Variants in RHCE observed in about 807,000 individuals in gnomAD.
RHCE encodes the protein Rh blood group CcEe antigens, also known as blood group Rh(CE) polypeptide.
Under a neutral mutation model 43.8 loss-of-function variants are expected in RHCE, and 22 were observed. The observed-to-expected ratio is 0.50, with a 90% CI of 0.36 to 0.72. The LOEUF is 0.72. Among genes scored for constraint, RHCE ranks in the 30% least tolerant of loss-of-function variants. RHCE has a pLI of 0.00. For synonymous variants in RHCE, 156 were observed against 210.7 expected (o/e 0.74, Z 2.25); for missense variants, 385 against 525.4 (o/e 0.73, Z 2.61).
chr1:25,390,092 C>T (rs1022463344), intron 5 of RHCE, among the ~76,000 whole-genome samples: 7 of 152,108 alleles, frequency 4.6e-5, no homozygotes, highest in African/African-American at 7.2e-5. Flanking sequence ...TTCCCTCCGA[C>T]ACCACCAGCT....
upstream of RHCE, chr1:25,421,040 C>T (rs1479594727): frequency 3.9e-6 from 2 of 508,492 alleles, no homozygotes; most frequent in Non-Finnish European, 7.2e-6. Flanking sequence ...GTTACAGGTT[C>T]CTGCTGTGCT....
intron 9 of RHCE, among the ~76,000 whole-genome samples, chr1:25,368,657 C>T (rs1339118599): frequency 4.0e-5 from 6 of 150,426 alleles, no homozygotes; most frequent in Non-Finnish European, 5.9e-5. Flanking sequence ...ATTTTGAGCA[C>T]TAGTCGTCTC....
chr1:25,417,353 C>G (rs1647626097), intron 1 of RHCE, among the ~76,000 whole-genome samples: 2 of 152,108 alleles, frequency 1.3e-5, no homozygotes, highest in Admixed American at 6.6e-5. Context: ...AAGTTTAACT[C>G]AACAAACTTT....
At chr1:25,385,582 C>A (rs1218180301) in intron 7 of RHCE, 129 bp downstream of exon 7, 4 of 1,374,528 alleles carry the variant, frequency 2.9e-6, no homozygotes, top group African/African-American at 2.8e-5. Flanking sequence ...AATCAGCCAA[C>A]AAATATTCAC....
chr1:25,411,455 T>C (rs1156688688), intron 1 of RHCE: 2 of 1,549,420 alleles, frequency 1.3e-6, no homozygotes, highest in East Asian at 2.4e-5. Context: ...TTCACTTCCA[T>C]TGAAACGTAC....
chr1:25,410,425 G>T (rs1157634717), intron 1 of RHCE, among the ~76,000 whole-genome samples: 1 of 151,842 alleles, frequency 6.6e-6, no homozygotes, highest in Non-Finnish European at 1.5e-5. Context: ...TCTGCAACCA[G>T]CATGTAGACA....
chr1:25,404,184 A>G, intron 2 of RHCE, among the ~76,000 whole-genome samples: 1 of 151,752 alleles, frequency 6.6e-6, no homozygotes, highest in East Asian at 1.9e-4. Flanking sequence ...AAAAAAAAAA[A>G]AAAAAATTCA....
At chr1:25,391,245 C>T (rs909426520) in intron 4 of RHCE, among the ~76,000 whole-genome samples, 16 of 152,046 alleles carry the variant, frequency 1.1e-4, no homozygotes, top group African/African-American at 2.2e-4. Flanking sequence ...AGTGCAGTGG[C>T]GCGATCTTGG....
chr1:25,373,824 T>A (rs1421839106), intron 8 of RHCE, among the ~76,000 whole-genome samples: 1 of 150,088 alleles, frequency 6.7e-6, no homozygotes, highest in African/African-American at 2.5e-5. Flanking sequence ...GGATGGAATG[T>A]ATATTTTCTT....
upstream of RHCE, among the ~76,000 whole-genome samples, chr1:25,422,611 C>T (rs1389401254): frequency 3.3e-5 from 5 of 152,166 alleles, no homozygotes; most frequent in Admixed American, 3.3e-4. Context: ...AACTAAGTGA[C>T]TTGCTCAAGG....
intron 7 of RHCE, among the ~76,000 whole-genome samples, chr1:25,384,884 T>C (rs1010551138): frequency 1.3e-5 from 2 of 152,200 alleles, no homozygotes; most frequent in Admixed American, 1.3e-4. Context: ...ATAATGCATA[T>C]AATGGTTTCT....
intron 2 of RHCE, among the ~76,000 whole-genome samples, chr1:25,407,751 C>G (rs1410721529): frequency 8.1e-6 from 1 of 123,622 alleles, no homozygotes; most frequent in Admixed American, 8.7e-5. Context: ...AATCATCACC[C>G]AGGTGAACAC....
chr1:25,428,875 T>A (rs1033515337), intron 2 of RHCE: 1 of 152,310 alleles, frequency 6.6e-6, no homozygotes, highest in East Asian at 1.9e-4. Context: ...ACAGAGATAC[T>A]GTGTTGGGGC....
In RHCE at chr1:25,406,247, G is replaced by GTGCA. The variant is rs1303884738; in HGVS notation, c.335+2435_335+2436insTGCA. Among the ~76,000 whole-genome samples, 2 of 87,710 alleles carry GTGCA rather than the reference G, an allele frequency of 2.3e-5. 1 individual carries two copies. The highest frequency in any genetic ancestry group is 4.2e-5 in the Non-Finnish European group (2 of 47,808). 57.5% of individuals were successfully genotyped at this position (87,710 alleles called of 152,430 possible). A position where few individuals can be genotyped will look rare whatever the true frequency, so the allele number is the denominator to read the frequency against. ...TGTGTATGCGGGCGTGCGTGCGTGC[G>GTGCA]TGCGTGTGTGTGTGTGTGTGTGTGT... On this transcript the variant is annotated intron_variant, in intron 2 of 9. Coordinates refer to ENST00000294413, the MANE Select transcript of RHCE (RefSeq NM_020485.8).
At chr1:25,391,499 T>A (rs1557618447) in intron 4 of RHCE, among the ~76,000 whole-genome samples, 2 of 151,832 alleles carry the variant, frequency 1.3e-5, no homozygotes, top group African/African-American at 2.4e-5. Flanking sequence ...AACGCTTATT[T>A]TTTTTTTTTT....
chr1:25,409,315 C>A lies in RHCE; in HGVS notation c.149-446G>T, dbSNP rs957388772. Among the ~76,000 whole-genome samples, 26 of 124,102 alleles carry A rather than the reference C, an allele frequency of 2.1e-4. 1 individual carries two copies. The highest frequency in any genetic ancestry group is 6.0e-4 in the African/African-American group (24 of 39,724). The allele number at this position is 124,102 out of a possible 152,430, so 81.4% of individuals were successfully genotyped here. A position where few individuals can be genotyped will look rare whatever the true frequency, so the allele number is the denominator to read the frequency against. ...AGCCACAGAAGCCAAGTGACTTGTCCCAGGACACACAGAAAAGAGAGGGCA... is the reference window on the plus strand; with the variant it reads ...AGCCACAGAAGCCAAGTGACTTGTCACAGGACACACAGAAAAGAGAGGGCA... On this transcript the variant is annotated intron_variant, in intron 1 of 9. Transcript: ENST00000294413.
chr1:25,362,368 A>T lies in RHCE; in HGVS notation c.*159T>A. The T allele has an allele frequency of 6.6e-7, 1 of 1,519,988 alleles. No individual in the cohort carries two copies. Among genetic ancestry groups the T allele is most frequent in the Non-Finnish European group, 9.0e-7 (1 of 1,117,236 alleles). 94.2% of individuals were successfully genotyped at this position (1,519,988 alleles called of 1,614,324 possible). A position where few individuals can be genotyped will look rare whatever the true frequency, so the allele number is the denominator to read the frequency against. On this transcript the variant is annotated 3_prime_UTR_variant, in exon 10 of 10. Coordinates refer to ENST00000294413, the MANE Select transcript of RHCE (RefSeq NM_020485.8). ...AAATTGACTCTTAAACTAAGTTTTT[A>T]GTCTTTAATTTTTTAATATCAAATC...
chr1:25,406,719 A>G (rs185049399), intron 2 of RHCE, among the ~76,000 whole-genome samples: 7,656 of 111,414 alleles, frequency 0.069, 1,254 homozygotes, highest in African/African-American at 0.19. Flanking sequence ...TCCGCCTCCA[A>G]GGTTCACGCC....
Position 25,388,995 on chromosome 1 carries a change from C to A in RHCE, c.920G>T (p.Gly307Val). The change falls in exon 6 of 10, where the codon GGG (glycine) becomes GTG (valine). Residue 307 changes from glycine (G) to valine (V), a missense_variant. Gly to Val is a moderately radical substitution (Grantham distance 109, BLOSUM62 -3). Transcript: ENST00000294413. The part of the protein sequence containing the change: ...LGLVAGLISI[G>V]GAKCLPVCCN... ...TCTTACCGGCAGGCACTTGGCTCCC[C>A]CGATGGAGATCAGCCCAGCCACAAG... The A allele has an allele frequency of 6.2e-7, 1 of 1,614,224 alleles. No homozygotes were observed. The highest frequency in any genetic ancestry group is 8.5e-7 in the Non-Finnish European group (1 of 1,180,036).
Sources: allele counts gnomAD v4.1 joint callset (sites outside exome capture counted in the v4.1 genomes callset), GRCh38; gene constraint gnomAD v4.1.1; transcripts MANE v1.5; gene names NCBI Gene and HGNC (gene_info 2026-07-23, HGNC 2026-07-21).